The following DGAT2L6 variants were observed in gnomAD, a reference collection of about 807,000 sequenced individuals.
DGAT2L6 encodes the protein diacylglycerol O-acyltransferase 2-like protein 6.
DGAT2L6 carries 22 observed loss-of-function variants against 25.5 expected under a neutral mutation model. The observed-to-expected ratio is 0.86, with a 90% CI of 0.62 to 1.23. The LOEUF (loss-of-function observed/expected upper bound fraction) is 1.23. DGAT2L6 is among the 50% of genes most tolerant of loss of function. DGAT2L6 has a pLI of 0.00. For missense variants in DGAT2L6, 287 were observed against 253.2 expected (o/e 1.13, Z -0.91); for synonymous variants, 100 against 94.7 (o/e 1.06, Z -0.32).
intron 1 of DGAT2L6, among the ~76,000 whole-genome samples, chrX:70,191,395 A>G (rs2085375084): frequency 8.9e-6 from 1 of 112,153 alleles, no homozygotes; most frequent in Non-Finnish European, 1.9e-5. Flanking sequence ...AAGAGTTTCA[A>G]TAGCAGACTT....
chrX:70,181,523 T>C (rs1173323250), intron 1 of DGAT2L6, among the ~76,000 whole-genome samples: 2 of 112,258 alleles, frequency 1.8e-5, no homozygotes, highest in Non-Finnish European at 3.8e-5. Context: ...CCCACAGAGG[T>C]GCCTAAGACA....
intron 1 of DGAT2L6, among the ~76,000 whole-genome samples, chrX:70,196,770 T>C (rs2085393515): frequency 9.1e-6 from 1 of 110,489 alleles, no homozygotes. Context: ...AAAACTTATA[T>C]CCAAAATGCA....
At chrX:70,199,445 G>A in intron 2 of DGAT2L6, 64 bp downstream of exon 2, 2 of 869,969 alleles carry the variant, frequency 2.3e-6, no homozygotes, top group Non-Finnish European at 3.3e-6. Flanking sequence ...GGGAGAGGGA[G>A]GTGGAGGGAG....
At chrX:70,203,871 T>A (rs1152182) in intron 5 of DGAT2L6, among the ~76,000 whole-genome samples, 1 of 107,992 alleles carries the variant, frequency 9.3e-6, no homozygotes. Flanking sequence ...TGAGAGAGTA[T>A]GAGGCACACT....
At chrX:70,200,556 A>G in intron 4 of DGAT2L6, 97 bp downstream of exon 4, 1 of 826,689 alleles carries the variant, frequency 1.2e-6, no homozygotes, top group Non-Finnish European at 1.7e-6. Flanking sequence ...AGAGTACATG[A>G]TAGAAAATAA....
chrX:70,201,997 C>T lies in DGAT2L6; in HGVS notation c.580C>T (p.Arg194Ter), dbSNP rs1210201709. ...TGGAGCTGCTGAAGCTCTCTTGTGC[C>T]GACCAGGAGCCTCCACTCTCTTCCT... Reference protein sequence around the residue: ...VGGAAEALLCRPGASTLFLKQ... With the variant: ...VGGAAEALLC Residue 194 changes from arginine to a stop codon, truncating the protein, a stop_gained, in exon 5 of 7, where the codon CGA becomes TGA. Transcript: ENST00000333026. LOFTEE classifies it high-confidence loss of function. 9 of 1,208,762 alleles carry T rather than the reference C, an allele frequency of 7.4e-6. No individual in the cohort carries two copies. Among genetic ancestry groups the T allele is most frequent in the South Asian group, 3.5e-5 (2 of 56,442 alleles).
intron 1 of DGAT2L6, among the ~76,000 whole-genome samples, chrX:70,197,797 T>C: frequency 8.9e-6 from 1 of 112,338 alleles, no homozygotes; most frequent in East Asian, 2.8e-4. Context: ...GAAGCTTAAC[T>C]GGCAAATTTA....
chrX:70,196,744 T>A (rs1275760189), intron 1 of DGAT2L6, among the ~76,000 whole-genome samples: 1 of 110,093 alleles, frequency 9.1e-6, no homozygotes, highest in Admixed American at 9.7e-5. Context: ...TGTTTGCAAA[T>A]CACATATCAG....
chrX:70,204,887 G>A, intron 6 of DGAT2L6, 65 bp from the exon 7 acceptor site: 1 of 1,099,891 alleles, frequency 9.1e-7, no homozygotes, highest in Non-Finnish European at 1.2e-6. Context: ...ATGGCTCCCA[G>A]TGAGGGATGA....
At chrX:70,189,604 T>C (rs2085369723) in intron 1 of DGAT2L6, among the ~76,000 whole-genome samples, 1 of 111,881 alleles carries the variant, frequency 8.9e-6, no homozygotes, top group Non-Finnish European at 1.9e-5. Flanking sequence ...CAGGCTATAT[T>C]AGGTAATAGT....
intron 4 of DGAT2L6, among the ~76,000 whole-genome samples, chrX:70,201,272 G>A (rs1482540646): frequency 8.9e-6 from 1 of 112,488 alleles, no homozygotes; most frequent in Non-Finnish European, 1.9e-5. Context: ...TGCCATCACA[G>A]TAGACAATAG....
In DGAT2L6 at chrX:70,204,319, CT is replaced by C. The variant is rs772490998; in HGVS notation, c.664del (p.Ser222HisfsTer21). ...MALQTGAYLV[P>X]SYSFGENEVF... is the part of the protein sequence containing the mutation. ...TCTCTTTGCAGGGCATACCTTGTCC[CT>C]TCATATTCCTTTGGTGAGAACGAAG... On this transcript the variant is annotated frameshift_variant, in exon 6 of 7. Transcript: ENST00000333026. LOFTEE classifies it high-confidence loss of function. 7 of 1,204,615 alleles carry C rather than the reference CT, an allele frequency of 5.8e-6. No homozygotes were observed. The African/African-American group carries it at 1.1e-4, about 18-fold the overall frequency.
chrX:70,205,120 C>G lies in DGAT2L6; in HGVS notation c.*14C>G. 1 of 1,175,419 alleles carries G rather than the reference C, an allele frequency of 8.5e-7. No individual in the cohort carries two copies. Among genetic ancestry groups the G allele is most frequent in the Non-Finnish European group, 1.1e-6 (1 of 880,015 alleles). ...ACAATTACATAACAGGAGCCACATT[C>G]CCCATTGATCAACCCCCAAAGCCAT... On this transcript the variant is annotated 3_prime_UTR_variant, in exon 7 of 7. Coordinates refer to ENST00000333026, the MANE Select transcript of DGAT2L6 (RefSeq NM_198512.3).
intron 1 of DGAT2L6, among the ~76,000 whole-genome samples, chrX:70,187,023 G>A (rs755576654): frequency 1.9e-4 from 21 of 111,852 alleles, no homozygotes; most frequent in Non-Finnish European, 3.6e-4. Flanking sequence ...AAAATTTCTG[G>A]CAGAGGTGTG....
intron 1 of DGAT2L6, among the ~76,000 whole-genome samples, chrX:70,198,418 G>T (rs920939022): frequency 2.7e-5 from 3 of 111,742 alleles, no homozygotes; most frequent in Non-Finnish European, 5.7e-5. Flanking sequence ...TGCCCAGGCT[G>T]GTCTCAAACT....
At position 70,200,578 on chromosome X, in the gene DGAT2L6, C is replaced by T. The variant is rs2085406859; in HGVS notation, c.472+119C>T. The T allele has an allele frequency of 6.0e-6, 4 of 662,811 alleles. No homozygotes were observed. In the East Asian group the frequency reaches 1.4e-4, roughly 24 times the overall value. The allele number at this position is 662,811 out of a possible 1,213,427, so 54.6% of individuals were successfully genotyped here. A position where few individuals can be genotyped will look rare whatever the true frequency, so the allele number is the denominator to read the frequency against. ...ATGATAGAAAATAAGTCCAGGACAC[C>T]CTGGGCCCGTAACAGGAGTATGTGG... On this transcript the variant is annotated intron_variant, in intron 4 of 6. Transcript: ENST00000333026.
At chrX:70,193,309 A>G (rs1005941983) in intron 1 of DGAT2L6, among the ~76,000 whole-genome samples, 1 of 109,392 alleles carries the variant, frequency 9.1e-6, no homozygotes, top group African/African-American at 3.3e-5. Context: ...GTGTGTGTCA[A>G]AAGAAAAAAA....
At chrX:70,189,940 T>C (rs1173417447) in intron 1 of DGAT2L6, among the ~76,000 whole-genome samples, 1 of 111,902 alleles carries the variant, frequency 8.9e-6, no homozygotes, top group African/African-American at 3.2e-5. Flanking sequence ...AACAAGCTGA[T>C]TCAAAAATTT....
intron 1 of DGAT2L6, among the ~76,000 whole-genome samples, chrX:70,186,625 T>C (rs1482134835): frequency 8.9e-6 from 1 of 112,171 alleles, no homozygotes. Context: ...ACCTATGCTA[T>C]TATTACTTAA....
Sources: allele counts gnomAD v4.1 joint callset (sites outside exome capture counted in the v4.1 genomes callset), GRCh38; gene constraint gnomAD v4.1.1; transcripts MANE v1.5; gene names NCBI Gene and HGNC (gene_info 2026-07-23, HGNC 2026-07-21).